MCTP1: variants seen among roughly 807,000 people sequenced by gnomAD.
MCTP1 encodes the protein multiple C2 and transmembrane domain-containing protein 1.
A neutral mutation model predicts 120.6 loss-of-function variants in MCTP1; 69 were observed. The ratio of observed to expected loss-of-function variants is 0.57; its 90% CI spans 0.47 to 0.70. MCTP1 has a LOEUF of 0.70. Ranked by LOEUF, MCTP1 falls within the 30% of genes least tolerant of loss-of-function variation. The pLI is 0.00. For missense variants in MCTP1, 1,203 were observed against 1,248.8 expected (o/e 0.96, Z 0.55); for synonymous variants, 529 against 493.1 (o/e 1.07, Z -0.96).
intron 1 of MCTP1, among the ~76,000 whole-genome samples, chr5:95,223,798 C>T (rs1753953231): frequency 1.3e-5 from 2 of 152,294 alleles, no homozygotes; most frequent in Middle Eastern, 3.4e-3. Flanking sequence ...TTACAGTTCC[C>T]TCTTCAATGT....
chr5:94,880,602 T>A (rs1370047435), intron 12 of MCTP1, among the ~76,000 whole-genome samples: 1 of 152,150 alleles, frequency 6.6e-6, no homozygotes, highest in African/African-American at 2.4e-5. Flanking sequence ...TTTATCTTGG[T>A]AACTGCTACA....
chr5:94,917,717 A>T (rs1419618562), intron 8 of MCTP1, among the ~76,000 whole-genome samples, 179 bp downstream of exon 8: 1 of 152,256 alleles, frequency 6.6e-6, no homozygotes, highest in African/African-American at 2.4e-5. Flanking sequence ...ATGAGCTGGC[A>T]ATGTAAAGAA....
intron 1 of MCTP1, among the ~76,000 whole-genome samples, chr5:95,265,570 A>T (rs1406020679): frequency 1.3e-5 from 2 of 152,218 alleles, no homozygotes; most frequent in African/African-American, 4.8e-5. Flanking sequence ...AATGAGAAGA[A>T]GTGAACAGAG....
chr5:95,055,495 T>C (rs1747143884), intron 1 of MCTP1, among the ~76,000 whole-genome samples: 1 of 152,224 alleles, frequency 6.6e-6, no homozygotes, highest in Non-Finnish European at 1.5e-5. Flanking sequence ...TGATTTAATC[T>C]TTATAAACAG....
intron 10 of MCTP1, among the ~76,000 whole-genome samples, chr5:94,897,229 AT>A (rs34402712): frequency 0.012 from 1,662 of 137,100 alleles, 6 homozygotes; most frequent in Middle Eastern, 0.015. Flanking sequence ...GGCCTGGCTA[AT>A]TTTTTTTTTT....
intron 19 of MCTP1, among the ~76,000 whole-genome samples, chr5:94,727,941 TGGCAAATTTGA>T: frequency 6.6e-6 from 1 of 152,288 alleles, no homozygotes; most frequent in Admixed American, 6.5e-5. Flanking sequence ...ATAAAGGGCC[TGGCAAATTTGA>T]GGGGAACTAG....
At chr5:94,870,039 ATATATTTG>A (rs1797535661) in intron 16 of MCTP1, among the ~76,000 whole-genome samples, 3 of 152,076 alleles carry the variant, frequency 2.0e-5, no homozygotes, top group Non-Finnish European at 4.4e-5. Context: ...TGGTCTGGAC[ATATATTTG>A]TACCTCAGCT....
intron 2 of MCTP1, among the ~76,000 whole-genome samples, chr5:94,972,705 T>C (rs960598497): frequency 5.3e-5 from 8 of 152,172 alleles, no homozygotes; most frequent in Non-Finnish European, 1.0e-4. Context: ...GCATCCTAAA[T>C]CATTCTAATT....
intron 1 of MCTP1, among the ~76,000 whole-genome samples, chr5:95,280,046 A>G (rs1760187311): frequency 1.3e-5 from 2 of 152,206 alleles, no homozygotes; most frequent in South Asian, 2.1e-4. Context: ...TGTTCTTTGA[A>G]GTCATAGTAA....
rs777131038 is a variant in MCTP1 at position 94,894,635 on chromosome 5, G to A, written c.1839+14C>T. On this transcript the variant is annotated intron_variant, in intron 11 of 22. Transcript: ENST00000515393. The stretch of plus-strand genomic sequence containing the variant: ...TCACATGTGTCTCTGGAAGGAGGAG[G>A]GTTACATACGTACATATCTCTTTAA... The A allele has an allele frequency of 1.6e-4, 253 of 1,547,036 alleles. No individual in the cohort carries two copies. The highest frequency in any genetic ancestry group is 2.2e-4 in the Non-Finnish European group (244 of 1,131,790).
intron 17 of MCTP1, among the ~76,000 whole-genome samples, chr5:94,853,427 A>G (rs908494075): frequency 5.9e-5 from 9 of 151,916 alleles, no homozygotes; most frequent in Admixed American, 4.6e-4. Context: ...ATTTGCAGCT[A>G]TGATGTTTCA....
rs1288461018 is a variant in MCTP1, at chr5:94,706,175, A to G, written c.*1321T>C. Reference sequence around the variant, plus strand: ...GTTTATTATTAATAAAGTAGTGCAAAGCATTGTCTGCTGCAATTTCAACTG... The same window carrying G: ...GTTTATTATTAATAAAGTAGTGCAAGGCATTGTCTGCTGCAATTTCAACTG... On this transcript the variant is annotated 3_prime_UTR_variant, in exon 23 of 23. Coordinates refer to ENST00000515393, the MANE Select transcript of MCTP1 (RefSeq NM_024717.7). 3 of 151,638 alleles carry G rather than the reference A, an allele frequency of 2.0e-5. No individual in the cohort carries two copies. The highest frequency in any genetic ancestry group is 1.9e-4 in the East Asian group (1 of 5,156). The allele number at this position is 151,638 out of a possible 1,614,324, so 9.4% of individuals were successfully genotyped here. A position where few individuals can be genotyped will look rare whatever the true frequency, so the allele number is the denominator to read the frequency against.
At chr5:95,063,298 A>G (rs941374913) in intron 1 of MCTP1, among the ~76,000 whole-genome samples, 7 of 152,190 alleles carry the variant, frequency 4.6e-5, no homozygotes, top group African/African-American at 1.7e-4. Context: ...ACCAGAACTC[A>G]GGGATCTTTT....
chr5:95,240,855 T>A (rs1385955248), intron 1 of MCTP1, among the ~76,000 whole-genome samples: 2 of 152,088 alleles, frequency 1.3e-5, no homozygotes, highest in Admixed American at 1.3e-4. Flanking sequence ...ACAGCTTAAA[T>A]TCTGACTAGT....
intron 17 of MCTP1, among the ~76,000 whole-genome samples, chr5:94,815,134 A>G (rs1219897647): frequency 1.3e-5 from 2 of 152,204 alleles, no homozygotes; most frequent in Non-Finnish European, 2.9e-5. Flanking sequence ...AATATATTAC[A>G]TCAAGAAAAT....
intron 1 of MCTP1, among the ~76,000 whole-genome samples, chr5:95,026,919 G>A (rs1458488903): frequency 1.3e-5 from 2 of 152,134 alleles, no homozygotes; most frequent in African/African-American, 4.8e-5. Flanking sequence ...TTTCTACTTA[G>A]TCATGACCAG....
intron 1 of MCTP1, among the ~76,000 whole-genome samples, chr5:95,222,591 G>C (rs1451947026): frequency 1.3e-5 from 2 of 152,078 alleles, no homozygotes; most frequent in East Asian, 1.9e-4. Context: ...TCTGCTTCAT[G>C]GTTTTACAGT....
At chr5:95,256,749 C>A (rs542309665) in intron 1 of MCTP1, among the ~76,000 whole-genome samples, 117 of 152,246 alleles carry the variant, frequency 7.7e-4, no homozygotes, top group African/African-American at 2.5e-3. Context: ...AGGAAAGAGA[C>A]CTGGCTTAGT....
chr5:95,281,704 T>C (rs1562299893), intron 1 of MCTP1, among the ~76,000 whole-genome samples: 1 of 152,264 alleles, frequency 6.6e-6, no homozygotes, highest in Non-Finnish European at 1.5e-5. Context: ...AATGAAAAGC[T>C]TCTTCAGAGT....
Sources: gnomAD v4.1 joint callset for allele counts (sites outside exome capture counted in the v4.1 genomes callset) on GRCh38, gnomAD v4.1.1 for gene constraint, MANE v1.5 for transcripts, NCBI Gene and HGNC (gene_info 2026-07-23, HGNC 2026-07-21) for gene names.